The following CACUL1 variants were observed in gnomAD, a reference collection of about 807,000 sequenced individuals.
CACUL1 encodes CDK2 associated cullin domain 1.
In CACUL1, 13 loss-of-function variants were observed where a neutral mutation model predicts 45.2. The observed-to-expected ratio is 0.29, with a 90% CI of 0.19 to 0.46. The LOEUF (loss-of-function observed/expected upper bound fraction) is 0.46, where lower values mean the gene tolerates loss of function less well. Ranked by LOEUF, CACUL1 falls within the 20% of genes least tolerant of loss-of-function variation. The probability of loss-of-function intolerance (pLI) is 1.00; values close to 1 mark genes in which losing one functional copy is unlikely to be tolerated. For missense variants in CACUL1, 421 were observed against 471.4 expected, an observed-to-expected ratio of 0.89 and a Z score of 0.99; for synonymous variants, 197 against 174.2, an observed-to-expected ratio of 1.13 and a Z score of -1.03.
At chr10:118,705,745 T>A (rs955436629) in intron 4 of CACUL1, among the ~76,000 whole-genome samples, 3 of 152,214 alleles carry the variant, frequency 2.0e-5, no homozygotes, top group Non-Finnish European at 1.5e-5. Flanking sequence ...TTTAAAAAAA[T>A]TTGTTTCTGT....
intron 1 of CACUL1, among the ~76,000 whole-genome samples, chr10:118,730,874 G>C (rs1192385046): frequency 6.6e-6 from 1 of 152,150 alleles, no homozygotes; most frequent in Non-Finnish European, 1.5e-5. Context: ...AGGACTATGA[G>C]GATTAAGGTC....
At chr10:118,718,768 T>C (rs757645173) in intron 3 of CACUL1, among the ~76,000 whole-genome samples, 7 of 152,058 alleles carry the variant, frequency 4.6e-5, no homozygotes, top group Non-Finnish European at 8.8e-5. Flanking sequence ...AGAGACGGGT[T>C]TTCACCGTGT....
At chr10:118,711,226 T>C (rs996944811) in intron 3 of CACUL1, among the ~76,000 whole-genome samples, 6 of 152,320 alleles carry the variant, frequency 3.9e-5, no homozygotes, top group East Asian at 1.9e-4. Flanking sequence ...ATTACAGGTG[T>C]GGGCAACCAC....
intron 1 of CACUL1, among the ~76,000 whole-genome samples, chr10:118,747,316 T>G (rs542133257): frequency 5.9e-5 from 9 of 151,664 alleles, no homozygotes; most frequent in Non-Finnish European, 1.2e-4. Flanking sequence ...CTGATGGGAG[T>G]GTAAAATGGT....
chr10:118,701,241 A>G, intron 5 of CACUL1, 65 bp downstream of exon 5: 2 of 942,246 alleles, frequency 2.1e-6, no homozygotes, highest in East Asian at 5.2e-5. Context: ...TCTCAGACCA[A>G]AAAAAAAAGA....
rs1298156747 is a variant in CACUL1, at chr10:118,676,705, G to A, written c.*9423C>T. ...AGAACATTTTTTTAGAAAGAGCAAA[G>A]GTTTATTAACCACAAATACCACAAA... is the stretch of plus-strand genomic sequence containing the variant. On this transcript the variant is annotated 3_prime_UTR_variant, in exon 9 of 9. Coordinates refer to ENST00000369151, the MANE Select transcript of CACUL1 (RefSeq NM_153810.5). 1 of 151,938 alleles carries A rather than the reference G, an allele frequency of 6.6e-6. No homozygotes were observed. The highest frequency in any genetic ancestry group is 1.5e-5 in the Non-Finnish European group (1 of 67,976). 9.4% of individuals were successfully genotyped at this position (151,938 alleles called of 1,614,324 possible). A position where few individuals can be genotyped will look rare whatever the true frequency, so the allele number is the denominator to read the frequency against.
intron 6 of CACUL1, chr10:118,693,218 A>T (rs1845289124): frequency 6.5e-6 from 1 of 153,110 alleles, no homozygotes; most frequent in Admixed American, 6.5e-5. Context: ...CAGTCATACA[A>T]AGACCAGCAC....
chr10:118,701,957 T>C (rs950767050), intron 4 of CACUL1, among the ~76,000 whole-genome samples: 1 of 152,162 alleles, frequency 6.6e-6, no homozygotes, highest in Non-Finnish European at 1.5e-5. Flanking sequence ...GCAGTCATCT[T>C]ATAACCATGA....
intron 4 of CACUL1, among the ~76,000 whole-genome samples, chr10:118,702,857 CAGGCGT>C (rs1845396257): frequency 6.6e-6 from 1 of 152,226 alleles, no homozygotes; most frequent in African/African-American, 2.4e-5. Flanking sequence ...GCTGGGATTA[CAGGCGT>C]GAGCCACCAT....
rs774089556 is a variant in CACUL1, at chr10:118,754,752, C to T, written c.11G>A (p.Ser4Asn). 2 of 1,588,674 alleles carry T rather than the reference C, an allele frequency of 1.3e-6. No homozygotes were observed. Among genetic ancestry groups the T allele is most frequent in the Non-Finnish European group, 1.7e-6 (2 of 1,169,876 alleles). Reference protein sequence around the residue: MEESMEEEEGGSYE... With the variant: MEENMEEEEGGSYE... ...GCTGCCCCCCTCCTCCTCTTCCATG[C>T]TTTCCTCCATCCTGCTGGCCCCCGG... Residue 4 changes from serine to asparagine, a missense_variant, in exon 1 of 9, where the codon AGC becomes AAC. Ser to Asn is a conservative substitution (Grantham distance 46). This residue lies in a region of CACUL1 where 213 missense variants were observed against 173.1 expected (regional missense o/e 1.23). Transcript: ENST00000369151.
chr10:118,694,576 C>T (rs1246598699), intron 6 of CACUL1, among the ~76,000 whole-genome samples: 1 of 152,212 alleles, frequency 6.6e-6, no homozygotes, highest in Admixed American at 6.5e-5. Context: ...AAGATATATA[C>T]AAAAGCTCCT....
intron 4 of CACUL1, among the ~76,000 whole-genome samples, chr10:118,702,647 T>C (rs1221355722): frequency 2.0e-5 from 3 of 151,212 alleles, no homozygotes; most frequent in South Asian, 4.2e-4. Context: ...AATGGCACGC[T>C]CTCCACTCAC....
intron 4 of CACUL1, among the ~76,000 whole-genome samples, chr10:118,703,302 CTT>C (rs1016732082): frequency 1.3e-5 from 2 of 151,524 alleles, no homozygotes; most frequent in African/African-American, 4.8e-5. Context: ...CATGGATATG[CTT>C]TTTTCCCCCT....
intron 1 of CACUL1, among the ~76,000 whole-genome samples, chr10:118,737,512 T>C (rs1294495484): frequency 6.6e-6 from 1 of 152,148 alleles, no homozygotes; most frequent in Non-Finnish European, 1.5e-5. Context: ...CCTTATAACA[T>C]ACCAGCCGTA....
At position 118,676,977 on chromosome 10, in the gene CACUL1, A is replaced by T. The variant is rs1845104621; in HGVS notation, c.*9151T>A. On this transcript the variant is annotated 3_prime_UTR_variant, in exon 9 of 9. Transcript: ENST00000369151. ...AAAAAACTTCTCCAATCCCAAGAAA[A>T]AATACTACTTTCTAGTTTTTACAAC... 1 of 152,114 alleles carries T rather than the reference A, an allele frequency of 6.6e-6. No homozygotes were observed. Among genetic ancestry groups the T allele is most frequent in the Admixed American group, 6.6e-5 (1 of 15,264 alleles). The allele number at this position is 152,114 out of a possible 1,614,324, so 9.4% of individuals were successfully genotyped here.
intron 1 of CACUL1, among the ~76,000 whole-genome samples, chr10:118,742,475 T>C (rs1205835886): frequency 6.6e-6 from 1 of 152,188 alleles, no homozygotes; most frequent in Non-Finnish European, 1.5e-5. Flanking sequence ...TCTTACAGTT[T>C]CATCAACAAC....
chr10:118,720,611 G>C (rs553432188), intron 3 of CACUL1, among the ~76,000 whole-genome samples: 68 of 152,242 alleles, frequency 4.5e-4, no homozygotes, highest in African/African-American at 1.6e-3. Flanking sequence ...TCCAAGTTCT[G>C]GATGATGTTT....
chr10:118,736,911 G>T (rs748018968), intron 1 of CACUL1, among the ~76,000 whole-genome samples: 4 of 151,934 alleles, frequency 2.6e-5, no homozygotes, highest in Non-Finnish European at 4.4e-5. Context: ...GTAGCATGTT[G>T]TACATATCAT....
At chr10:118,694,444 T>A (rs1845300869) in intron 6 of CACUL1, among the ~76,000 whole-genome samples, 1 of 152,220 alleles carries the variant, frequency 6.6e-6, no homozygotes, top group Non-Finnish European at 1.5e-5. Flanking sequence ...CTAAAAAGCA[T>A]TCCTTGTATT....
Sources: allele counts gnomAD v4.1 joint callset (sites outside exome capture counted in the v4.1 genomes callset), GRCh38; gene constraint gnomAD v4.1.1; regional missense constraint gnomAD v4.1.1; transcripts MANE v1.5; gene names NCBI Gene and HGNC (gene_info 2026-07-23, HGNC 2026-07-21).